Variants in CCDC7 observed in about 807,000 individuals in gnomAD.
CCDC7 encodes the protein coiled-coil domain-containing protein 7.
A neutral mutation model predicts 196.9 loss-of-function variants in CCDC7; 183 were observed. The ratio of observed to expected loss-of-function variants is 0.93; its 90% confidence interval spans 0.82 to 1.05. The LOEUF (loss-of-function observed/expected upper bound fraction) is 1.05. Among genes scored for constraint, CCDC7 ranks in the 50% least tolerant of loss-of-function variants. CCDC7 has a pLI of 0.00. For missense variants in CCDC7, 1,540 were observed against 1,482.2 expected, an observed-to-expected ratio of 1.04 and a Z score of -0.64; for synonymous variants, 525 against 484.6, an observed-to-expected ratio of 1.08 and a Z score of -1.10.
At chr10:32,537,343 G>A (rs541381659) in intron 11 of CCDC7, among the ~76,000 whole-genome samples, 1 of 152,038 alleles carries the variant, frequency 6.6e-6, no homozygotes, top group African/African-American at 2.4e-5. Flanking sequence ...CTTTTTAATG[G>A]AGTCATTTTT....
chr10:32,866,651 G>A (rs2094208202), intron 41 of CCDC7, among the ~76,000 whole-genome samples: 1 of 151,522 alleles, frequency 6.6e-6, no homozygotes, highest in Admixed American at 6.6e-5. Context: ...AGAGAAAAAG[G>A]GAGAAGGAAG....
At chr10:32,662,713 A>G (rs2071757421) in intron 20 of CCDC7, among the ~76,000 whole-genome samples, 1 of 152,184 alleles carries the variant, frequency 6.6e-6, no homozygotes, top group African/African-American at 2.4e-5. Flanking sequence ...TCTTGGCAGT[A>G]GGTTCTTTTG....
chr10:32,664,283 T>C (rs2072162269), intron 21 of CCDC7, 122 bp downstream of exon 22: 2 of 363,796 alleles, frequency 5.5e-6, no homozygotes, highest in East Asian at 7.8e-5. Flanking sequence ...TGTGGAATAA[T>C]AAATTGTGGA....
intron 21 of CCDC7, among the ~76,000 whole-genome samples, chr10:32,682,336 G>A (rs1328826918): frequency 6.6e-6 from 1 of 152,060 alleles, no homozygotes; most frequent in Non-Finnish European, 1.5e-5. Context: ...CCTTATCAAT[G>A]TTGCTGCAAA....
At chr10:32,462,235 A>G (rs1389252205) in intron 3 of CCDC7, among the ~76,000 whole-genome samples, 2 of 152,108 alleles carry the variant, frequency 1.3e-5, no homozygotes, top group Non-Finnish European at 2.9e-5. Context: ...AGCCTGGGCA[A>G]CATGGCCAAA....
At chr10:32,477,383 A>G (rs2039186970) in intron 8 of CCDC7, among the ~76,000 whole-genome samples, 1 of 151,666 alleles carries the variant, frequency 6.6e-6, no homozygotes, top group African/African-American at 2.4e-5. Flanking sequence ...TTGCATTTTT[A>G]GTAGAGATGG....
chr10:32,451,196 T>C (rs1363527554), upstream of CCDC7, among the ~76,000 whole-genome samples: 1 of 152,192 alleles, frequency 6.6e-6, no homozygotes, highest in Non-Finnish European at 1.5e-5. Context: ...TGACCTATGT[T>C]GTAATTCTGA....
At chr10:32,776,462 C>A (rs1037784184) in intron 28 of CCDC7, among the ~76,000 whole-genome samples, 1 of 151,970 alleles carries the variant, frequency 6.6e-6, no homozygotes, top group South Asian at 2.1e-4. Context: ...ATATAACATA[C>A]TCAGTCTCAG....
chr10:32,628,629 T>C (rs530807669), intron 18 of CCDC7, among the ~76,000 whole-genome samples: 1 of 152,178 alleles, frequency 6.6e-6, no homozygotes, highest in African/African-American at 2.4e-5. Context: ...GATATAGACA[T>C]TTATTGATAT....
chr10:32,863,176 A>G (rs551137239), intron 41 of CCDC7, among the ~76,000 whole-genome samples: 1 of 152,216 alleles, frequency 6.6e-6, no homozygotes, highest in South Asian at 2.1e-4. Context: ...ACCACAAAAA[A>G]AACCATGAAT....
chr10:32,640,473 C>G (rs563648644), intron 20 of CCDC7, among the ~76,000 whole-genome samples: 12 of 152,238 alleles, frequency 7.9e-5, no homozygotes, highest in African/African-American at 2.9e-4. Context: ...ATTTGCCAGT[C>G]TGTGTCTTTT....
At chr10:32,558,807 A>G (rs2054806201) in intron 13 of CCDC7, among the ~76,000 whole-genome samples, 1 of 152,218 alleles carries the variant, frequency 6.6e-6, no homozygotes, top group South Asian at 2.1e-4. Flanking sequence ...GGAGTGCCAG[A>G]CAGTGGGCAC....
intron 9 of CCDC7, among the ~76,000 whole-genome samples, chr10:32,494,920 T>C (rs2042682332): frequency 6.6e-6 from 1 of 152,204 alleles, no homozygotes; most frequent in South Asian, 2.1e-4. Flanking sequence ...AGTAATGGGA[T>C]TGCTGGGTCA....
intron 30 of CCDC7, among the ~76,000 whole-genome samples, chr10:32,810,836 T>C (rs2086921358): frequency 2.6e-5 from 4 of 151,894 alleles, no homozygotes; most frequent in Admixed American, 2.6e-4. Flanking sequence ...CCATGACAGA[T>C]TAAAACTAGA....
chr10:32,533,902 G>A (rs980204572), intron 11 of CCDC7, among the ~76,000 whole-genome samples: 1 of 151,980 alleles, frequency 6.6e-6, no homozygotes, highest in African/African-American at 2.4e-5. Context: ...AATCTTTTTG[G>A]TGTTCTCAGA....
chr10:32,875,457 T>C (rs2094571710), intron 41 of CCDC7, among the ~76,000 whole-genome samples: 1 of 152,046 alleles, frequency 6.6e-6, no homozygotes, highest in Non-Finnish European at 1.5e-5. Flanking sequence ...TGTGCAGCCT[T>C]ATTTCTGGGC....
chr10:32,453,215 A>G (rs917520980), intron 1 of CCDC7, 129 bp from the exon 3 acceptor site: 4 of 625,986 alleles, frequency 6.4e-6, no homozygotes, highest in African/African-American at 1.9e-5. Flanking sequence ...ATTTAAGTTT[A>G]TGGCACTGGA....
At chr10:32,559,056 C>A (rs7101253) in intron 13 of CCDC7, among the ~76,000 whole-genome samples, 12 of 152,152 alleles carry the variant, frequency 7.9e-5, no homozygotes, top group Admixed American at 7.9e-4. Flanking sequence ...CACGGAGTCT[C>A]GCTGATTGCT....
intron 28 of CCDC7, among the ~76,000 whole-genome samples, chr10:32,751,385 A>T (rs151033642): frequency 2.0e-3 from 305 of 152,172 alleles, no homozygotes; most frequent in African/African-American, 6.9e-3. Flanking sequence ...ATGGCATGGG[A>T]TCCCAAATGC....
Sources: allele counts gnomAD v4.1 joint callset (sites outside exome capture counted in the v4.1 genomes callset), GRCh38; gene constraint gnomAD v4.1.1; transcripts MANE v1.5; gene names NCBI Gene and HGNC (gene_info 2026-07-23, HGNC 2026-07-21).